PYM1: variants seen among roughly 807,000 people sequenced by gnomAD.
PYM1 encodes the protein partner of Y14 and mago.
In PYM1, 7 loss-of-function variants were observed where a neutral mutation model predicts 20.7. The observed-to-expected ratio is 0.34, with a 90% confidence interval of 0.19 to 0.64. PYM1 has a LOEUF of 0.64. Among genes scored for constraint, PYM1 ranks in the 30% least tolerant of loss-of-function variants. PYM1 has a pLI of 0.74. For missense variants in PYM1, 194 were observed against 250.0 expected (o/e 0.78, Z 1.51); for synonymous variants, 100 against 99.2 (o/e 1.01, Z -0.05).
intron 1 of PYM1, among the ~76,000 whole-genome samples, chr12:55,919,068 A>G (rs1312792754): frequency 6.6e-6 from 1 of 152,224 alleles, no homozygotes; most frequent in East Asian, 1.9e-4. Flanking sequence ...ATGAGTTACT[A>G]TGTTCTTATT....
chr12:55,911,003 G>A (rs2136261810), intron 1 of PYM1, among the ~76,000 whole-genome samples: 2 of 152,262 alleles, frequency 1.3e-5, no homozygotes, highest in South Asian at 2.1e-4. Flanking sequence ...GATGACAAAC[G>A]TTTCCTATTC....
chr12:55,925,050 G>C (rs946319336), intron 1 of PYM1, among the ~76,000 whole-genome samples: 3 of 152,236 alleles, frequency 2.0e-5, no homozygotes, highest in Non-Finnish European at 2.9e-5. Flanking sequence ...AAGTTATATT[G>C]AATCTGATAG....
At chr12:55,904,595 C>CAAAAAAAAAAAAAA (rs57817659) in intron 1 of PYM1, among the ~76,000 whole-genome samples, 1 of 66,946 alleles carries the variant, frequency 1.5e-5, no homozygotes, top group African/African-American at 5.9e-5. Flanking sequence ...GACTCCATCT[C>CAAAAAAAAAAAAAA]AAAAAAAAAA....
chr12:55,905,102 C>T (rs905249175), intron 1 of PYM1, among the ~76,000 whole-genome samples: 2 of 151,242 alleles, frequency 1.3e-5, no homozygotes, highest in Admixed American at 1.3e-4. Context: ...CCCGGGTTCA[C>T]GCCATTCTCC....
chr12:55,926,966 G>T, intron 1 of PYM1: 1 of 1,159,654 alleles, frequency 8.6e-7, no homozygotes, highest in Non-Finnish European at 1.2e-6. Flanking sequence ...CGGTCCGGGG[G>T]GCGGGGCAAA....
rs372134430 is a variant in PYM1, at chr12:55,902,092, C to T, written c.395G>A (p.Arg132Gln). The T allele has an allele frequency of 1.1e-5, 18 of 1,613,966 alleles. No homozygotes were observed. The highest frequency in any genetic ancestry group is 2.7e-5 in the African/African-American group (2 of 74,908). ...GTCAGATGCAGCTGTGGGGGCTGCC[C>T]GAGAGCCCTGTGGAGCACTGGGGAG... Reference protein sequence around the residue: ...AQLPSAPQGSRAAPTAASDQP... With the variant: ...AQLPSAPQGSQAAPTAASDQP... The change falls in exon 3 of 3, where the codon CGG (arginine) becomes CAG (glutamine). Residue 132 changes from arginine to glutamine, a missense_variant. Physicochemically the swap from Arg to Gln is conservative, Grantham distance 43. Coordinates refer to ENST00000408946, the MANE Select transcript of PYM1 (RefSeq NM_032345.3).
intron 1 of PYM1, among the ~76,000 whole-genome samples, chr12:55,903,977 G>C (rs1363981207): frequency 6.6e-6 from 1 of 151,944 alleles, no homozygotes; most frequent in Non-Finnish European, 1.5e-5. Flanking sequence ...GTTTCATTTT[G>C]TTTTGTTTTT....
intron 2 of PYM1, 99 bp downstream of exon 2, chr12:55,903,288 G>T: frequency 9.4e-7 from 1 of 1,058,482 alleles, no homozygotes; most frequent in Non-Finnish European, 1.4e-6. Context: ...ATTTCCTTGG[G>T]GCTTAGGAGA....
chr12:55,902,404 T>TG (rs754223392), intron 2 of PYM1, 49 bp from the exon 3 acceptor site: 1 of 1,551,782 alleles, frequency 6.4e-7, no homozygotes, highest in African/African-American at 1.4e-5. Context: ...ACTGACTTTT[T>TG]GATCCCTTTT....
chr12:55,920,465 C>A (rs756829190), intron 1 of PYM1, among the ~76,000 whole-genome samples: 2 of 151,796 alleles, frequency 1.3e-5, no homozygotes, highest in Non-Finnish European at 2.9e-5. Flanking sequence ...TGGTAAAACA[C>A]CATCTCTACT....
chr12:55,903,419 T>C lies in PYM1; in HGVS notation c.99A>G (p.Lys33=), dbSNP rs548371050. The change falls in exon 2 of 3, where the codon AAA becomes AAG. Residue 33 remains lysine (K), a synonymous_variant. Transcript: ENST00000408946. Reference sequence around the variant, plus strand: ...CCTCCTCCTGGGGCACATATCCTTCTTTCACCCTCCGCTGCTTGCGCCAGG... The same window carrying C: ...CCTCCTCCTGGGGCACATATCCTTCCTTCACCCTCCGCTGCTTGCGCCAGG... ...DGTWRKQRRV[K]EGYVPQEEVP... is the part of the protein sequence containing the mutation. 3 of 1,614,096 alleles carry C rather than the reference T, an allele frequency of 1.9e-6. No individual in the cohort carries two copies. The South Asian group carries it at 3.3e-5, about 18-fold the overall frequency.
intron 1 of PYM1, among the ~76,000 whole-genome samples, chr12:55,904,660 C>G (rs1321111219): frequency 1.3e-5 from 2 of 148,664 alleles, no homozygotes; most frequent in South Asian, 4.3e-4. Context: ...CTTAAAAGGC[C>G]ATCAAGTGGA....
intron 1 of PYM1, 152 bp downstream of exon 1, chr12:55,927,573 A>C: frequency 9.9e-7 from 1 of 1,008,962 alleles, no homozygotes; most frequent in Non-Finnish European, 1.4e-6. Context: ...ACTGGGGCGC[A>C]CAAGTGTTTC....
rs746142998 is a variant in PYM1, at chr12:55,902,135, G to A, written c.352C>T (p.Leu118=). The change falls in exon 3 of 3, where the codon CTG becomes TTG. Residue 118 remains leucine (L), a synonymous_variant. Transcript: ENST00000408946. ...CTGGGGAGTTGGGCTGTCTCTTCCA[G>A]GGACACCTTATCAAGAGTCCTGCTC... ...ALSRTLDKVS[L]EETAQLPSAP... The A allele has an allele frequency of 2.5e-6, 4 of 1,614,086 alleles. No individual in the cohort carries two copies. The South Asian group carries it at 4.4e-5, about 18-fold the overall frequency.
At chr12:55,903,209 C>A (rs1053748149) in intron 2 of PYM1, among the ~76,000 whole-genome samples, 178 bp downstream of exon 2, 1 of 152,184 alleles carries the variant, frequency 6.6e-6, no homozygotes, top group Non-Finnish European at 1.5e-5. Flanking sequence ...GACTAGTGAT[C>A]TGTAACCCTC....
At chr12:55,907,097 CATATAT>C (rs5798360) in intron 1 of PYM1, among the ~76,000 whole-genome samples, 77 of 148,976 alleles carry the variant, frequency 5.2e-4, no homozygotes, top group South Asian at 1.3e-3. Flanking sequence ...AGAAAGTTAA[CATATAT>C]ATATATATAT....
chr12:55,925,164 T>C (rs1192459996), intron 1 of PYM1, among the ~76,000 whole-genome samples: 1 of 152,186 alleles, frequency 6.6e-6, no homozygotes, highest in Non-Finnish European at 1.5e-5. Context: ...GCCTGCTTAG[T>C]ATAGAAAATC....
intron 1 of PYM1, among the ~76,000 whole-genome samples, chr12:55,908,327 G>A (rs1389390330): frequency 4.6e-5 from 7 of 151,720 alleles, no homozygotes; most frequent in Non-Finnish European, 1.0e-4. Flanking sequence ...TACTGGGGAC[G>A]CAGAGGCATA....
intron 1 of PYM1, among the ~76,000 whole-genome samples, chr12:55,905,055 G>A (rs910927066): frequency 1.5e-4 from 22 of 151,670 alleles, no homozygotes; most frequent in African/African-American, 5.1e-4. Flanking sequence ...AGGCTGGAGT[G>A]CAGTGGCGCA....
Sources: allele counts gnomAD v4.1 joint callset (sites outside exome capture counted in the v4.1 genomes callset), GRCh38; gene constraint gnomAD v4.1.1; transcripts MANE v1.5; gene names NCBI Gene and HGNC (gene_info 2026-07-23, HGNC 2026-07-21).